MEGF11: variants seen among roughly 807,000 people sequenced by gnomAD.
MEGF11 encodes multiple EGF like domains 11.
In MEGF11, 126 loss-of-function variants were observed where a neutral mutation model predicts 146.6. The observed-to-expected ratio is 0.86, with a 90% CI of 0.74 to 1.00. MEGF11 has a LOEUF of 1.00. Ranked by LOEUF, MEGF11 falls within the 50% of genes least tolerant of loss-of-function variation. MEGF11 has a pLI of 0.00. For synonymous variants in MEGF11, 532 were observed against 583.4 expected, an observed-to-expected ratio of 0.91 and a Z score of 1.27; for missense variants, 1,509 against 1,521.2, an observed-to-expected ratio of 0.99 and a Z score of 0.13.
chr15:66,032,257 A>G (rs114522987), intron 5 of MEGF11, among the ~76,000 whole-genome samples: 2,185 of 152,356 alleles, frequency 0.014, 45 homozygotes, highest in African/African-American at 0.05. Context: ...TCTATTTTAA[A>G]TAAATTACCC....
At chr15:65,984,525 C>CAAAAA (rs35017296) in intron 5 of MEGF11, among the ~76,000 whole-genome samples, 779 of 49,398 alleles carry the variant, frequency 0.016, 116 homozygotes, top group African/African-American at 0.017. Flanking sequence ...GACTCCGTGT[C>CAAAAA]AAAAAAAAAA....
intron 5 of MEGF11, among the ~76,000 whole-genome samples, chr15:66,062,965 C>T (rs2084966542): frequency 6.6e-6 from 1 of 152,132 alleles, no homozygotes; most frequent in Admixed American, 6.5e-5. Flanking sequence ...TTTGTTAAAC[C>T]ATCCCTTTAA....
chr15:66,131,026 T>C (rs754249637), intron 1 of MEGF11, among the ~76,000 whole-genome samples: 1 of 152,226 alleles, frequency 6.6e-6, no homozygotes, highest in African/African-American at 2.4e-5. Context: ...AAAATGCCCC[T>C]GGTTTCACTT....
intron 24 of MEGF11, among the ~76,000 whole-genome samples, chr15:65,904,830 G>T (rs1344241134): frequency 6.6e-6 from 1 of 152,136 alleles, no homozygotes; most frequent in East Asian, 1.9e-4. Flanking sequence ...AGCTTTCCAG[G>T]TGATTCTGGT....
At chr15:66,094,729 A>C (rs959529847) in intron 4 of MEGF11, among the ~76,000 whole-genome samples, 3 of 152,272 alleles carry the variant, frequency 2.0e-5, no homozygotes, top group Non-Finnish European at 4.4e-5. Flanking sequence ...AATGAAACCC[A>C]AGCTGGAGAA....
In MEGF11 at chr15:66,235,555, G is replaced by A. The variant is rs568590774; in HGVS notation, c.-9+18050C>T. Reference sequence around the variant, plus strand: ...ACAAATCCAGAGACATGGCCAAGAGGGAGAATAGAAACTGACTACCTACCC... The same window carrying A: ...ACAAATCCAGAGACATGGCCAAGAGAGAGAATAGAAACTGACTACCTACCC... On this transcript the variant is annotated intron_variant, in intron 1 of 25. Coordinates refer to ENST00000395614, the MANE Select transcript of MEGF11 (RefSeq NM_001385028.1). 1.7e-4 allele frequency among the ~76,000 whole-genome samples: 26 copies of A among 151,976 alleles called. 1 individual carries two copies. In the South Asian group the frequency reaches 5.0e-3, roughly 29 times the overall value.
At position 66,033,991 on chromosome 15, in the gene MEGF11, C is replaced by T. The variant is rs1409594665; in HGVS notation, c.395-51503G>A. On this transcript the variant is annotated intron_variant, in intron 5 of 25. Coordinates refer to ENST00000395614, the MANE Select transcript of MEGF11 (RefSeq NM_001385028.1). ...ATTTTTAGTAGAGACAGGGTTTTAC[C>T]ATTTTGGCCAGGCTGGTCTTGAACT... Among the ~76,000 whole-genome samples the T allele has an allele frequency of 5.2e-3, 787 of 152,252 alleles. 5 individuals carry two copies. The highest frequency in any genetic ancestry group is 0.018 in the African/African-American group (748 of 41,548).
chr15:66,238,252 C>T (rs183268741), intron 1 of MEGF11, among the ~76,000 whole-genome samples: 17 of 147,570 alleles, frequency 1.2e-4, no homozygotes, highest in Admixed American at 8.1e-4. Flanking sequence ...AGGCCAGAAA[C>T]GCCTGCCCAC....
chr15:66,032,434 G>T (rs1254285192), intron 5 of MEGF11, among the ~76,000 whole-genome samples: 2 of 152,208 alleles, frequency 1.3e-5, no homozygotes, highest in Non-Finnish European at 2.9e-5. Flanking sequence ...GAAAAAGTCT[G>T]CATTGTGAAC....
chr15:66,068,192 A>T (rs1272640785), intron 5 of MEGF11, among the ~76,000 whole-genome samples: 1 of 152,196 alleles, frequency 6.6e-6, no homozygotes, highest in Non-Finnish European at 1.5e-5. Flanking sequence ...TAGGGCAGGG[A>T]TCCTGTCCTG....
chr15:66,195,583 A>C (rs1400446748), intron 1 of MEGF11, among the ~76,000 whole-genome samples: 1 of 152,222 alleles, frequency 6.6e-6, no homozygotes. Context: ...GCTATAGGCC[A>C]GCGCTGCAGG....
intron 10 of MEGF11, among the ~76,000 whole-genome samples, chr15:65,933,430 C>T (rs2079648946): frequency 6.6e-6 from 1 of 152,326 alleles, no homozygotes; most frequent in East Asian, 1.9e-4. Context: ...TGCCTGTGAG[C>T]CCTGTTGCAG....
intron 21 of MEGF11, 56 bp from the exon 22 acceptor site, chr15:65,909,862 A>G (rs2078743693): frequency 6.9e-7 from 1 of 1,454,254 alleles, no homozygotes; most frequent in Non-Finnish European, 9.3e-7. Flanking sequence ...ACCCCTCCCC[A>G]GTCTTCACTT....
intron 24 of MEGF11, among the ~76,000 whole-genome samples, chr15:65,901,322 C>G (rs1472124782): frequency 1.3e-5 from 2 of 151,474 alleles, no homozygotes; most frequent in Non-Finnish European, 2.9e-5. Flanking sequence ...CCTGCCTCAA[C>G]TGCATATTTT....
chr15:66,040,051 T>C (rs2083901762), intron 5 of MEGF11, among the ~76,000 whole-genome samples: 1 of 152,140 alleles, frequency 6.6e-6, no homozygotes, highest in Non-Finnish European at 1.5e-5. Flanking sequence ...GTAGCAAGTG[T>C]CAGTTACAGT....
intron 2 of MEGF11, among the ~76,000 whole-genome samples, chr15:66,127,010 A>G (rs1305267390): frequency 6.6e-6 from 1 of 152,212 alleles, no homozygotes; most frequent in East Asian, 1.9e-4. Flanking sequence ...GTCAACAAGA[A>G]AAGACAGTAA....
intron 4 of MEGF11, among the ~76,000 whole-genome samples, chr15:66,100,679 T>C (rs1432551452): frequency 6.6e-6 from 1 of 152,148 alleles, no homozygotes; most frequent in African/African-American, 2.4e-5. Flanking sequence ...TCAAAGTCAT[T>C]CATTCCTCTG....
intron 1 of MEGF11, among the ~76,000 whole-genome samples, chr15:66,234,571 C>T (rs912653431): frequency 3.3e-5 from 5 of 152,202 alleles, no homozygotes; most frequent in Non-Finnish European, 7.3e-5. Context: ...ATGGAAGACA[C>T]AGGCCAGGGC....
chr15:66,197,500 A>G (rs1003071205), intron 1 of MEGF11, among the ~76,000 whole-genome samples: 2 of 151,950 alleles, frequency 1.3e-5, no homozygotes, highest in East Asian at 1.9e-4. Context: ...TCAACTCACT[A>G]CAACCTCCGC....
Sources: allele counts gnomAD v4.1 joint callset (sites outside exome capture counted in the v4.1 genomes callset), GRCh38; gene constraint gnomAD v4.1.1; transcripts MANE v1.5; gene names NCBI Gene and HGNC (gene_info 2026-07-23, HGNC 2026-07-21).